The following TRPC4 variants were observed in gnomAD, a reference collection of about 807,000 sequenced individuals.
TRPC4 encodes the protein short transient receptor potential channel 4.
In TRPC4, 49 loss-of-function variants were observed where a neutral mutation model predicts 99.4. The ratio of observed to expected loss-of-function variants is 0.49; its 90% CI spans 0.39 to 0.63. The LOEUF is 0.63. TRPC4 is among the 20% of genes least tolerant of loss of function. TRPC4 has a pLI of 0.00. For synonymous variants in TRPC4, 454 were observed against 425.9 expected, an observed-to-expected ratio of 1.07 and a Z score of -0.81; for missense variants, 898 against 1,152.9, an observed-to-expected ratio of 0.78 and a Z score of 3.20.
chr13:37,697,339 A>C lies in TRPC4; in HGVS notation c.898-5004T>G, dbSNP rs141821981. ...AACTTGTTAAAAAGAGGTATAGGGT[A>C]TATAAGAGTATGTCCGACATGAAAT... On this transcript the variant is annotated intron_variant, in intron 3 of 10. Transcript: ENST00000379705. Among the ~76,000 whole-genome samples, 27 of 152,328 alleles carry C rather than the reference A, an allele frequency of 1.8e-4. No homozygotes were observed. The East Asian group carries it at 5.2e-3, about 29-fold the overall frequency.
chr13:37,700,130 T>G (rs1238126953), intron 3 of TRPC4, among the ~76,000 whole-genome samples: 4 of 152,180 alleles, frequency 2.6e-5, no homozygotes, highest in African/African-American at 9.7e-5. Flanking sequence ...TCAGAGCACA[T>G]ATACATTGTT....
chr13:37,713,698 G>T (rs900264400), intron 3 of TRPC4, among the ~76,000 whole-genome samples: 9 of 152,128 alleles, frequency 5.9e-5, no homozygotes, highest in African/African-American at 2.2e-4. Context: ...AAAAGGAGAA[G>T]GTGGACTCCC....
chr13:37,718,240 T>C (rs1954746351), intron 3 of TRPC4, among the ~76,000 whole-genome samples: 2 of 151,910 alleles, frequency 1.3e-5, no homozygotes, highest in Non-Finnish European at 1.5e-5. Flanking sequence ...AGAGAAGTAC[T>C]GAACTGAGAT....
At chr13:37,650,621 A>ACACG (rs1186658552) in intron 8 of TRPC4, among the ~76,000 whole-genome samples, 2 of 150,344 alleles carry the variant, frequency 1.3e-5, no homozygotes, top group African/African-American at 4.9e-5. Context: ...ATACACACAC[A>ACACG]CACACACACA....
chr13:37,742,423 C>A (rs1955619448), intron 3 of TRPC4, among the ~76,000 whole-genome samples: 1 of 152,128 alleles, frequency 6.6e-6, no homozygotes, highest in Admixed American at 6.5e-5. Flanking sequence ...TTACTGAGCA[C>A]CTTCTGTATG....
At chr13:37,801,045 G>A (rs969553975) in intron 1 of TRPC4, among the ~76,000 whole-genome samples, 1 of 151,928 alleles carries the variant, frequency 6.6e-6, no homozygotes, top group Non-Finnish European at 1.5e-5. Flanking sequence ...GCATTTTGTT[G>A]TGCTTCTTTT....
intron 3 of TRPC4, among the ~76,000 whole-genome samples, chr13:37,737,676 G>A (rs1955443277): frequency 6.6e-6 from 1 of 152,034 alleles, no homozygotes; most frequent in African/African-American, 2.4e-5. Context: ...ATTTTGCTAT[G>A]TTGCCCAAGC....
chr13:37,716,727 G>A (rs922158811), intron 3 of TRPC4, among the ~76,000 whole-genome samples: 13 of 151,780 alleles, frequency 8.6e-5, no homozygotes, highest in South Asian at 4.2e-4. Flanking sequence ...AAAAAACCAC[G>A]CACTCTCTCT....
intron 4 of TRPC4, among the ~76,000 whole-genome samples, chr13:37,675,976 C>A (rs936517577): frequency 6.6e-6 from 1 of 152,100 alleles, no homozygotes; most frequent in African/African-American, 2.4e-5. Context: ...CTTTTCCACC[C>A]TAAGCTGTGG....
At chr13:37,850,360 A>T (rs1959023847) in intron 1 of TRPC4, among the ~76,000 whole-genome samples, 1 of 152,228 alleles carries the variant, frequency 6.6e-6, no homozygotes, top group South Asian at 2.1e-4. Context: ...AGTTACAAGT[A>T]ATTTGTGCCA....
intron 3 of TRPC4, among the ~76,000 whole-genome samples, chr13:37,721,765 T>C (rs1954877617): frequency 6.6e-6 from 1 of 152,152 alleles, no homozygotes; most frequent in Non-Finnish European, 1.5e-5. Flanking sequence ...AAGAGTAAGG[T>C]GATTTATAGG....
At chr13:37,811,417 C>A (rs537178830) in intron 1 of TRPC4, among the ~76,000 whole-genome samples, 1 of 152,192 alleles carries the variant, frequency 6.6e-6, no homozygotes, top group South Asian at 2.1e-4. Context: ...ATGATTATCC[C>A]AAATACTGCC....
chr13:37,692,412 A>G (rs561834243), intron 3 of TRPC4, 77 bp from the exon 4 acceptor site: 1 of 1,242,748 alleles, frequency 8.0e-7, no homozygotes, highest in South Asian at 1.5e-5. Context: ...TAAGAACACA[A>G]TTGTGATCTT....
chr13:37,767,666 G>A (rs78137974), intron 2 of TRPC4, among the ~76,000 whole-genome samples: 5,238 of 151,362 alleles, frequency 0.035, 134 homozygotes, highest in Non-Finnish European at 0.054. Context: ...AATCAGAATT[G>A]TTACCTTAAC....
At chr13:37,728,110 CT>C (rs1955123367) in intron 3 of TRPC4, among the ~76,000 whole-genome samples, 1 of 151,780 alleles carries the variant, frequency 6.6e-6, no homozygotes, top group African/African-American at 2.4e-5. Flanking sequence ...AGACTAAAAG[CT>C]TTTTCTCTAA....
Position 37,819,544 on chromosome 13 carries a change from A to G in TRPC4, c.-27-36184T>C, listed in dbSNP as rs367640056. On this transcript the variant is annotated intron_variant, in intron 1 of 10. Transcript: ENST00000379705. ...AGGGACATGGATGGGGCTGGAGGCC[A>G]TTATCTTTAGCAAACTAACGCAGGA... 8.5e-5 allele frequency among the ~76,000 whole-genome samples: 13 copies of G among 152,184 alleles called. No individual in the cohort carries two copies. The East Asian group carries it at 2.3e-3, about 27-fold the overall frequency.
chr13:37,729,009 C>A (rs1955158170), intron 3 of TRPC4, among the ~76,000 whole-genome samples: 1 of 151,976 alleles, frequency 6.6e-6, no homozygotes, highest in Non-Finnish European at 1.5e-5. Flanking sequence ...CCTTGCCATA[C>A]CAAAAATTAA....
intron 2 of TRPC4, among the ~76,000 whole-genome samples, chr13:37,747,464 G>A (rs774152088): frequency 3.9e-5 from 6 of 152,032 alleles, no homozygotes; most frequent in Non-Finnish European, 7.4e-5. Context: ...AGCCATAGAG[G>A]CATTTATGAA....
At chr13:37,666,328 T>G (rs574407933) in intron 5 of TRPC4, among the ~76,000 whole-genome samples, 1 of 152,288 alleles carries the variant, frequency 6.6e-6, no homozygotes, top group Non-Finnish European at 1.5e-5. Context: ...ATCTGGCTAT[T>G]AGGTCCCCCA....
Sources: gnomAD v4.1 joint callset for allele counts (sites outside exome capture counted in the v4.1 genomes callset) on GRCh38, gnomAD v4.1.1 for gene constraint, MANE v1.5 for transcripts, NCBI Gene and HGNC (gene_info 2026-07-23, HGNC 2026-07-21) for gene names.